The following PTGR1 variants were observed in gnomAD, a reference collection of about 807,000 sequenced individuals.
The protein encoded by PTGR1 is 15-oxoprostaglandin 13-reductase.
In PTGR1, 23 loss-of-function variants were observed where a neutral mutation model predicts 37.7. That is an observed-to-expected ratio of 0.61 (90% CI 0.44 to 0.86). The LOEUF (loss-of-function observed/expected upper bound fraction) is 0.86. PTGR1 is among the 40% of genes least tolerant of loss of function. PTGR1 has a pLI of 0.00. For missense variants in PTGR1, 351 were observed against 394.3 expected (o/e 0.89, Z 0.93); for synonymous variants, 134 against 140.0 (o/e 0.96, Z 0.30).
At chr9:111,582,972 C>T (rs914442840) in intron 6 of PTGR1, among the ~76,000 whole-genome samples, 1 of 152,260 alleles carries the variant, frequency 6.6e-6, no homozygotes, top group Non-Finnish European at 1.5e-5. Flanking sequence ...CTTGAGCAGA[C>T]ATCTGCTTAA....
chr9:111,578,674 C>T (rs951526898), intron 7 of PTGR1, 122 bp downstream of exon 7: 10 of 814,174 alleles, frequency 1.2e-5, no homozygotes, highest in Non-Finnish European at 1.8e-5. Flanking sequence ...TCACCTCCTG[C>T]TGTGCATCCC....
intron 9 of PTGR1, chr9:111,563,509 CTTTTT>C: frequency 5.5e-6 from 1 of 182,690 alleles, no homozygotes; most frequent in South Asian, 1.4e-4. Context: ...CTTTTTCTTT[CTTTTT>C]TTTTTTTTTG....
Position 111,562,792 on chromosome 9 carries a change from C to A in PTGR1, c.*329G>T. ...GGCCCCAGCGTGTGTTGTTCCCCTC[C>A]CTATGTCCATGTGTTCTCATTGTTC... On this transcript the variant is annotated 3_prime_UTR_variant, in exon 10 of 10. Coordinates refer to ENST00000407693, the MANE Select transcript of PTGR1 (RefSeq NM_001146108.2). 3.1e-6 allele frequency: 1 copy of A among 318,314 alleles called. No individual in the cohort carries two copies. Among genetic ancestry groups the A allele is most frequent in the Middle Eastern group, 1.3e-3 (1 of 780 alleles). 19.7% of individuals were successfully genotyped at this position (318,314 alleles called of 1,614,324 possible).
chr9:111,569,218 A>T (rs7026971), intron 9 of PTGR1, among the ~76,000 whole-genome samples: 10,211 of 152,266 alleles, frequency 0.067, 573 homozygotes, highest in African/African-American at 0.14. Context: ...AGACGAGCTA[A>T]CTAAGGGATA....
At chr9:111,599,137 A>G (rs10114096) in intron 1 of PTGR1, among the ~76,000 whole-genome samples, 66,365 of 151,888 alleles carry the variant, frequency 0.44, 15,054 homozygotes, top group East Asian at 0.63. Context: ...GTCCCGGGAA[A>G]GTCTCGCCCG....
chr9:111,589,453 T>C (rs1829540781), intron 4 of PTGR1: 1 of 773,106 alleles, frequency 1.3e-6, no homozygotes, highest in Non-Finnish European at 1.6e-6. Flanking sequence ...GACAGGGTTT[T>C]GCCATGTTTC....
intron 7 of PTGR1, chr9:111,576,356 C>A: frequency 6.2e-7 from 1 of 1,613,992 alleles, no homozygotes; most frequent in South Asian, 1.1e-5. Context: ...TTTCCCTGGT[C>A]ACTTGCAGAC....
intron 4 of PTGR1, among the ~76,000 whole-genome samples, chr9:111,590,559 A>C (rs1829579339): frequency 6.6e-6 from 1 of 152,134 alleles, no homozygotes; most frequent in South Asian, 2.1e-4. Flanking sequence ...GGGTTTTGAC[A>C]TGTTGGCCAG....
chr9:111,562,805 G>T lies in PTGR1; in HGVS notation c.*316C>A. ...GTTGTTCCCCTCCCTATGTCCATGTGTTCTCATTGTTCAGCTCCCACTTAT... is the reference window on the plus strand; with the variant it reads ...GTTGTTCCCCTCCCTATGTCCATGTTTTCTCATTGTTCAGCTCCCACTTAT... On this transcript the variant is annotated 3_prime_UTR_variant, in exon 10 of 10. Coordinates refer to ENST00000407693, the MANE Select transcript of PTGR1 (RefSeq NM_001146108.2). 1.8e-5 allele frequency: 7 copies of T among 395,716 alleles called. No individual in the cohort carries two copies. The highest frequency in any genetic ancestry group is 2.7e-5 in the Non-Finnish European group (7 of 259,348). The allele number at this position is 395,716 out of a possible 1,614,324, so 24.5% of individuals were successfully genotyped here. A position where few individuals can be genotyped will look rare whatever the true frequency, so the allele number is the denominator to read the frequency against.
intron 8 of PTGR1, among the ~76,000 whole-genome samples, chr9:111,573,993 C>A (rs1828946971): frequency 6.6e-6 from 1 of 152,142 alleles, no homozygotes; most frequent in Non-Finnish European, 1.5e-5. Flanking sequence ...CTGCTGAGGC[C>A]AAGACGCCCT....
At chr9:111,569,778 G>C (rs1163204794) in intron 9 of PTGR1, 2 of 358,410 alleles carry the variant, frequency 5.6e-6, no homozygotes, top group African/African-American at 2.1e-5. Flanking sequence ...TCATATGTGG[G>C]TTTAAGGAAG....
At chr9:111,593,547 CCA>C (rs1475255676) in intron 3 of PTGR1, among the ~76,000 whole-genome samples, 11 of 152,182 alleles carry the variant, frequency 7.2e-5, no homozygotes, top group Admixed American at 7.2e-4. Context: ...TTTGAGTCAA[CCA>C]CAGATTCACC....
At chr9:111,551,897 AT>A (rs1827972122) in intron 9 of PTGR1, among the ~76,000 whole-genome samples, 1 of 152,196 alleles carries the variant, frequency 6.6e-6, no homozygotes, top group African/African-American at 2.4e-5. Flanking sequence ...ACAATATATC[AT>A]TCTTCAGATT....
downstream of PTGR1, among the ~76,000 whole-genome samples, chr9:111,558,756 T>C (rs762597137): frequency 2.3e-4 from 35 of 152,138 alleles, no homozygotes; most frequent in Non-Finnish European, 3.8e-4. Context: ...TATACACACA[T>C]ACCTATTTTT....
chr9:111,567,142 G>A (rs1269808633), intron 9 of PTGR1, among the ~76,000 whole-genome samples: 1 of 151,824 alleles, frequency 6.6e-6, no homozygotes, highest in Non-Finnish European at 1.5e-5. Flanking sequence ...AATGAAGAGG[G>A]AATGCAACTT....
At chr9:111,563,519 T>G in intron 9 of PTGR1, 1 of 216,802 alleles carries the variant, frequency 4.6e-6, no homozygotes, top group Non-Finnish European at 9.1e-6. Context: ...CTTTTTTTTT[T>G]TTTTGAGACA....
chr9:111,576,641 G>T, intron 7 of PTGR1: 1 of 504,414 alleles, frequency 2.0e-6, no homozygotes, highest in Non-Finnish European at 3.5e-6. Flanking sequence ...TTGTTTTAAG[G>T]ATTTCAGATT....
rs1353957112 is a variant in PTGR1, at chr9:111,570,356, G to T, written c.761-147C>A. On this transcript the variant is annotated intron_variant, in intron 8 of 9. Coordinates refer to ENST00000407693, the MANE Select transcript of PTGR1 (RefSeq NM_001146108.2). ...ATTTCCTCACTCCTTTCTGATCCAC[G>T]GGACTGCTGGCCAATCAACATGCAC... is the stretch of plus-strand genomic sequence containing the variant. 2.8e-5 allele frequency: 38 copies of T among 1,348,602 alleles called. No homozygotes were observed. The East Asian group carries it at 9.4e-4, about 33-fold the overall frequency. 83.5% of individuals were successfully genotyped at this position (1,348,602 alleles called of 1,614,324 possible). A position where few individuals can be genotyped will look rare whatever the true frequency, so the allele number is the denominator to read the frequency against.
intron 1 of PTGR1, among the ~76,000 whole-genome samples, chr9:111,598,647 A>C (rs1177535169): frequency 1.3e-5 from 2 of 151,972 alleles, no homozygotes; most frequent in African/African-American, 4.8e-5. Flanking sequence ...GGCGCCCGCC[A>C]CCACGCCCAG....
Sources: allele counts gnomAD v4.1 joint callset (sites outside exome capture counted in the v4.1 genomes callset), GRCh38; gene constraint gnomAD v4.1.1; transcripts MANE v1.5; gene names NCBI Gene and HGNC (gene_info 2026-07-23, HGNC 2026-07-21).